Variants in FGGY observed in about 807,000 individuals in gnomAD.
The protein encoded by FGGY is FGGY carbohydrate kinase domain containing, also known as FGGY carbohydrate kinase domain-containing protein.
A neutral mutation model predicts 71.3 loss-of-function variants in FGGY; 72 were observed. The observed-to-expected ratio is 1.01, with a 90% CI of 0.84 to 1.23. FGGY has a LOEUF of 1.23. Ranked by LOEUF, FGGY falls within the 50% of genes most tolerant of loss-of-function variation. The pLI is 0.00. For missense variants in FGGY, 668 were observed against 682.3 expected, an observed-to-expected ratio of 0.98 and a Z score of 0.23; for synonymous variants, 251 against 250.3, an observed-to-expected ratio of 1.00 and a Z score of -0.02.
chr1:59,467,770 C>T (rs760711633), intron 6 of FGGY, among the ~76,000 whole-genome samples: 3 of 152,178 alleles, frequency 2.0e-5, no homozygotes, highest in Non-Finnish European at 2.9e-5. Context: ...GACAAAAACA[C>T]AGTCACTTGG....
chr1:59,557,733 A>G (rs2095713096), intron 8 of FGGY, among the ~76,000 whole-genome samples: 1 of 152,142 alleles, frequency 6.6e-6, no homozygotes, highest in African/African-American at 2.4e-5. Context: ...TTGAAAAGTC[A>G]TGGGGTAAGA....
intron 5 of FGGY, among the ~76,000 whole-genome samples, chr1:59,411,487 A>G (rs1324060293): frequency 6.6e-6 from 1 of 152,234 alleles, no homozygotes; most frequent in Non-Finnish European, 1.5e-5. Context: ...GAGATTATGT[A>G]TAATATCATG....
intron 6 of FGGY, among the ~76,000 whole-genome samples, chr1:59,473,274 G>A (rs947436646): frequency 6.0e-5 from 9 of 150,832 alleles, no homozygotes; most frequent in Non-Finnish European, 1.0e-4. Flanking sequence ...CAGACGCGCC[G>A]GCTTAAGAGC....
At chr1:59,477,628 C>A (rs1258630249) in intron 6 of FGGY, among the ~76,000 whole-genome samples, 1 of 152,138 alleles carries the variant, frequency 6.6e-6, no homozygotes, top group Non-Finnish European at 1.5e-5. Flanking sequence ...ATTAAAAATT[C>A]CGTTAAATTT....
intron 14 of FGGY, among the ~76,000 whole-genome samples, chr1:59,734,160 A>G (rs57662374): frequency 4.6e-5 from 7 of 151,872 alleles, no homozygotes; most frequent in African/African-American, 1.7e-4. Flanking sequence ...TTTTCTTTTT[A>G]TTTATTTCAG....
At chr1:59,757,849 A>G in intron 14 of FGGY, 82 bp from the exon 15 acceptor site, 1 of 930,012 alleles carries the variant, frequency 1.1e-6, no homozygotes, top group Non-Finnish European at 1.7e-6. Context: ...GCAAATTCAA[A>G]TTAGAATGTT....
Position 59,346,214 on chromosome 1 carries a change from T to C in FGGY, c.314-33T>C, listed in dbSNP as rs769997063. ...CTTGAATTAGAAGGAAGAGAATGTG[T>C]GTCCATCTGCATCTCCCTCTCGTTT... On this transcript the variant is annotated intron_variant, in intron 3 of 15. Coordinates refer to ENST00000303721, the MANE Select transcript of FGGY (RefSeq NM_018291.5). 36 of 1,611,150 alleles carry C rather than the reference T, an allele frequency of 2.2e-5. 1 individual carries two copies. The South Asian group carries it at 4.0e-4, about 18-fold the overall frequency.
intron 5 of FGGY, among the ~76,000 whole-genome samples, chr1:59,426,858 G>GAA (rs34668849): frequency 1.2e-4 from 16 of 135,152 alleles, no homozygotes; most frequent in Non-Finnish European, 1.6e-4. Flanking sequence ...GATTAACACT[G>GAA]AAAAAAAAAA....
chr1:59,494,729 A>G (rs2093979458), intron 6 of FGGY, among the ~76,000 whole-genome samples: 2 of 152,192 alleles, frequency 1.3e-5, no homozygotes, highest in South Asian at 2.1e-4. Flanking sequence ...GTGAGGAAGA[A>G]AGAGCAGAGA....
chr1:59,333,695 A>G (rs575670562), intron 2 of FGGY, among the ~76,000 whole-genome samples: 4 of 152,356 alleles, frequency 2.6e-5, no homozygotes, highest in African/African-American at 9.6e-5. Context: ...AGGAGTTGCA[A>G]TGGCTAGAAT....
chr1:59,548,251 G>A (rs1321858936), intron 7 of FGGY, among the ~76,000 whole-genome samples: 2 of 152,132 alleles, frequency 1.3e-5, no homozygotes, highest in African/African-American at 4.8e-5. Flanking sequence ...TAGGCAGAGG[G>A]AGCAAAGTAA....
chr1:59,430,454 T>C (rs2067144753), intron 5 of FGGY, among the ~76,000 whole-genome samples: 1 of 152,172 alleles, frequency 6.6e-6, no homozygotes, highest in Admixed American at 6.5e-5. Flanking sequence ...TGAATGTCTT[T>C]TGCAGGTGTC....
At chr1:59,442,416 GTTTGTT>G (rs199825170) in intron 5 of FGGY, among the ~76,000 whole-genome samples, 3,929 of 151,994 alleles carry the variant, frequency 0.026, 128 homozygotes, top group African/African-American at 0.077. Flanking sequence ...TTTCCTGTTT[GTTTGTT>G]TTTGTTTTTG....
rs560942689 is a variant in FGGY, at chr1:59,587,368, G to A, written c.904-20435G>A. Among the ~76,000 whole-genome samples, 266 of 152,144 alleles carry A rather than the reference G, an allele frequency of 1.7e-3. 1 individual carries two copies. Among genetic ancestry groups the A allele is most frequent in the African/African-American group, 5.7e-3 (235 of 41,498 alleles). ...TGTAGGCTCCACCTCTGGGGGCAGGGAACAGACAAACAAAAAGACAGCAGT... is the reference window on the plus strand; with the variant it reads ...TGTAGGCTCCACCTCTGGGGGCAGGAAACAGACAAACAAAAAGACAGCAGT... On this transcript the variant is annotated intron_variant, in intron 8 of 15. Transcript: ENST00000303721.
intron 11 of FGGY, among the ~76,000 whole-genome samples, chr1:59,644,622 C>T (rs1280937986): frequency 6.6e-6 from 1 of 151,948 alleles, no homozygotes; most frequent in Non-Finnish European, 1.5e-5. Context: ...GACACGCCCC[C>T]CCCCACCCAA....
At chr1:59,440,961 G>A (rs2069694806) in intron 5 of FGGY, among the ~76,000 whole-genome samples, 1 of 151,894 alleles carries the variant, frequency 6.6e-6, no homozygotes, top group African/African-American at 2.4e-5. Context: ...ACTCTATCCT[G>A]GGTTCCTCAG....
At chr1:59,433,429 T>C (rs2067789455) in intron 5 of FGGY, among the ~76,000 whole-genome samples, 1 of 152,176 alleles carries the variant, frequency 6.6e-6, no homozygotes. Flanking sequence ...ATGATGTATT[T>C]TCCAGGCCTC....
intron 9 of FGGY, among the ~76,000 whole-genome samples, chr1:59,619,949 C>T (rs767468797): frequency 1.3e-5 from 2 of 151,854 alleles, no homozygotes; most frequent in Non-Finnish European, 2.9e-5. Context: ...GAAGGTAGAG[C>T]CACCTTCAAA....
chr1:59,677,025 A>C (rs1003492921), intron 14 of FGGY, among the ~76,000 whole-genome samples: 1 of 152,174 alleles, frequency 6.6e-6, no homozygotes, highest in African/African-American at 2.4e-5. Context: ...AGCCTTTGAA[A>C]GTTCCAGTGA....
Sources: allele counts gnomAD v4.1 joint callset (sites outside exome capture counted in the v4.1 genomes callset), GRCh38; gene constraint gnomAD v4.1.1; transcripts MANE v1.5; gene names NCBI Gene and HGNC (gene_info 2026-07-23, HGNC 2026-07-21).